NUP107: variants seen among roughly 807,000 people sequenced by gnomAD.
NUP107 encodes nucleoporin 107.
In NUP107, 101 loss-of-function variants were observed where a neutral mutation model predicts 141.0. That is an observed-to-expected ratio of 0.72 (90% CI 0.61 to 0.84). The LOEUF is 0.84. NUP107 is among the 40% of genes least tolerant of loss of function. The pLI, the probability that NUP107 is intolerant of heterozygous loss-of-function variation, is 0.00. For synonymous variants in NUP107, 319 were observed against 363.9 expected (o/e 0.88, Z 1.41); for missense variants, 941 against 1,102.7 (o/e 0.85, Z 2.08).
chr12:68,692,888 T>C (rs561201762), intron 5 of NUP107, among the ~76,000 whole-genome samples: 2 of 151,610 alleles, frequency 1.3e-5, no homozygotes, highest in South Asian at 4.2e-4. Flanking sequence ...TAGCTGGGAT[T>C]ATAGGCGTCT....
chr12:68,728,775 AG>A (rs1348511987), intron 20 of NUP107, among the ~76,000 whole-genome samples: 1 of 151,660 alleles, frequency 6.6e-6, no homozygotes, highest in Non-Finnish European at 1.5e-5. Context: ...AGTTAAAAAA[AG>A]AATAAATAAT....
intron 8 of NUP107, chr12:68,705,574 T>C (rs1876539163): frequency 6.2e-6 from 2 of 320,708 alleles, no homozygotes; most frequent in Non-Finnish European, 6.1e-6. Flanking sequence ...AAGCAGCTTC[T>C]CTGTTCCTTC....
rs1198885658 is a variant in NUP107 at position 68,721,223 on chromosome 12, TTAAA to T, written c.1311+51_1311+54del. ...TTTAAATTTTTTCTGTGGAGTAAAA[TTAAA>T]TAAAATATTCTAACAATTGTATATA... On this transcript the variant is annotated intron_variant, in intron 15 of 27. Transcript: ENST00000229179. 48 of 1,219,728 alleles carry T rather than the reference TTAAA, an allele frequency of 3.9e-5. No homozygotes were observed. The Admixed American group carries it at 5.7e-4, about 15-fold the overall frequency. 75.6% of individuals were successfully genotyped at this position (1,219,728 alleles called of 1,614,324 possible).
At chr12:68,691,740 G>A (rs1184785729) in intron 4 of NUP107, among the ~76,000 whole-genome samples, 1 of 151,926 alleles carries the variant, frequency 6.6e-6, no homozygotes, top group African/African-American at 2.4e-5. Flanking sequence ...AGGCTGAAGT[G>A]GGAAGATGGC....
chr12:68,701,638 T>G (rs765567258), intron 7 of NUP107, among the ~76,000 whole-genome samples: 3 of 151,684 alleles, frequency 2.0e-5, no homozygotes, highest in Admixed American at 6.6e-5. Context: ...GAGATTGTGC[T>G]ACTGCACTCC....
At chr12:68,729,049 C>T (rs540805167) in intron 20 of NUP107, among the ~76,000 whole-genome samples, 1 of 152,084 alleles carries the variant, frequency 6.6e-6, no homozygotes, top group East Asian at 1.9e-4. Flanking sequence ...TAGTATTGCA[C>T]TAAAAAAAAC....
At chr12:68,740,552 G>A (rs1878281412) in intron 26 of NUP107, among the ~76,000 whole-genome samples, 1 of 152,098 alleles carries the variant, frequency 6.6e-6, no homozygotes, top group South Asian at 2.1e-4. Flanking sequence ...ATACTTTGTT[G>A]TTGATTAACC....
At chr12:68,697,299 C>T (rs940641387) in intron 6 of NUP107, among the ~76,000 whole-genome samples, 4 of 151,936 alleles carry the variant, frequency 2.6e-5, no homozygotes, top group Non-Finnish European at 5.9e-5. Flanking sequence ...TGCTATGTAC[C>T]TGTGATTCTA....
intron 11 of NUP107, among the ~76,000 whole-genome samples, chr12:68,714,563 T>C (rs979261640): frequency 1.3e-5 from 2 of 152,248 alleles, no homozygotes; most frequent in African/African-American, 4.8e-5. Context: ...ATCTATTATG[T>C]ATTCCATTTT....
intron 10 of NUP107, among the ~76,000 whole-genome samples, chr12:68,712,644 G>GTTTTTTT (rs568962637): frequency 3.2e-5 from 4 of 125,966 alleles, no homozygotes; most frequent in South Asian, 2.5e-4. Flanking sequence ...TTTGTTTTTT[G>GTTTTTTT]TTTTTTTTTT....
rs71436075 is a variant in NUP107, at chr12:68,716,245, C to CTTTT, written c.1083+513_1083+516dup. 3.3e-4 allele frequency among the ~76,000 whole-genome samples: 38 copies of CTTTT among 116,248 alleles called. 1 individual carries two copies. Among genetic ancestry groups the CTTTT allele is most frequent in the African/African-American group, 6.5e-4 (20 of 30,638 alleles). The allele number at this position is 116,248 out of a possible 152,430, so 76.3% of individuals were successfully genotyped here. On this transcript the variant is annotated intron_variant, in intron 12 of 27. Transcript: ENST00000229179. ...TCTTTCTTTCTTTCTTTCTTTCTTT[C>CTTTT]TTTTTTTTTTTGAGATGGGATCTCA...
chr12:68,706,236 A>G (rs1876574283), intron 8 of NUP107: 3 of 769,704 alleles, frequency 3.9e-6, no homozygotes, highest in Admixed American at 1.7e-5. Flanking sequence ...AAGGATATGG[A>G]TGAAGCTTAC....
intron 5 of NUP107, among the ~76,000 whole-genome samples, chr12:68,692,790 C>T: frequency 6.7e-6 from 1 of 149,606 alleles, no homozygotes; most frequent in East Asian, 2.0e-4. Flanking sequence ...CGCTCTGTCA[C>T]CCAGACTGGA....
Position 68,708,788 on chromosome 12 carries a change from T to G in NUP107, c.730-450T>G, listed in dbSNP as rs530282823. Among the ~76,000 whole-genome samples, 65 of 152,214 alleles carry G rather than the reference T, an allele frequency of 4.3e-4. No individual in the cohort carries two copies. The South Asian group carries it at 0.013, about 30-fold the overall frequency. ...CTTGCGTCACCACGCCCAGCTAATT[T>G]TTGTATTTTTAGTAGAGATGTGGAT... On this transcript the variant is annotated intron_variant, in intron 8 of 27. Transcript: ENST00000229179.
intron 25 of NUP107, 122 bp downstream of exon 25, chr12:68,734,955 T>C: frequency 1.7e-6 from 2 of 1,153,254 alleles, no homozygotes; most frequent in Non-Finnish European, 2.4e-6. Context: ...CCTGTTAATG[T>C]CCTGCTTTGG....
At chr12:68,725,675 C>A in intron 17 of NUP107, 52 bp from the exon 18 acceptor site, 1 of 913,078 alleles carries the variant, frequency 1.1e-6, no homozygotes, top group Non-Finnish European at 1.7e-6. Flanking sequence ...TGAATATATA[C>A]TACAGAATGA....
chr12:68,710,183 T>C lies in NUP107; in HGVS notation c.890+90T>C, dbSNP rs143785354. 2.5e-4 allele frequency: 171 copies of C among 681,130 alleles called. No homozygotes were observed. In the East Asian group the frequency reaches 4.8e-3, roughly 19 times the overall value. 42.2% of individuals were successfully genotyped at this position (681,130 alleles called of 1,614,324 possible). A position where few individuals can be genotyped will look rare whatever the true frequency, so the allele number is the denominator to read the frequency against. ...AAGTATTATTCAGTTTTTACTTTGTTCACACTACTTTGTTCACACTACTTT... is the reference window on the plus strand; with the variant it reads ...AAGTATTATTCAGTTTTTACTTTGTCCACACTACTTTGTTCACACTACTTT... On this transcript the variant is annotated intron_variant, in intron 10 of 27. Transcript: ENST00000229179.
At chr12:68,724,169 T>C (rs1877463040) in intron 17 of NUP107, among the ~76,000 whole-genome samples, 1 of 151,982 alleles carries the variant, frequency 6.6e-6, no homozygotes, top group Non-Finnish European at 1.5e-5. Context: ...TCTGTGCTTG[T>C]TATAACTATT....
chr12:68,687,449 G>T, intron 1 of NUP107: 1 of 1,072,302 alleles, frequency 9.3e-7, no homozygotes, highest in South Asian at 3.7e-5. Flanking sequence ...CAGACTTTCT[G>T]ATTACAAGTG....
Sources: gnomAD v4.1 joint callset for allele counts (sites outside exome capture counted in the v4.1 genomes callset) on GRCh38, gnomAD v4.1.1 for gene constraint, MANE v1.5 for transcripts, NCBI Gene and HGNC (gene_info 2026-07-23, HGNC 2026-07-21) for gene names.